CWF19L2: variants seen among roughly 807,000 people sequenced by gnomAD.
CWF19L2 encodes CWF19 like cell cycle control factor 2.
In CWF19L2, 98 loss-of-function variants were observed where a neutral mutation model predicts 111.7. The ratio of observed to expected loss-of-function variants is 0.88; its 90% CI spans 0.75 to 1.04. CWF19L2 has a LOEUF of 1.04. Ranked by LOEUF, CWF19L2 falls within the 50% of genes least tolerant of loss-of-function variation. CWF19L2 has a pLI of 0.00. For missense variants in CWF19L2, 1,101 were observed against 1,051.4 expected, an observed-to-expected ratio of 1.05 and a Z score of -0.65; for synonymous variants, 351 against 342.9, an observed-to-expected ratio of 1.02 and a Z score of -0.26.
chr11:107,362,728 C>A (rs1322774879), intron 12 of CWF19L2, among the ~76,000 whole-genome samples: 54 of 150,346 alleles, frequency 3.6e-4, no homozygotes, highest in Non-Finnish European at 2.4e-4. Flanking sequence ...GGGGAAAAAA[C>A]AGAACAGAAA....
intron 17 of CWF19L2, among the ~76,000 whole-genome samples, 172 bp downstream of exon 17, chr11:107,329,746 T>C (rs551616530): frequency 6.6e-6 from 1 of 152,324 alleles, no homozygotes; most frequent in South Asian, 2.1e-4. Flanking sequence ...CTCTGTTATA[T>C]ACATTCTGGG....
At chr11:107,334,445 T>C (rs929597881) in intron 16 of CWF19L2, among the ~76,000 whole-genome samples, 1 of 152,222 alleles carries the variant, frequency 6.6e-6, no homozygotes, top group Non-Finnish European at 1.5e-5. Flanking sequence ...AGGAACATAA[T>C]AGTGAACCTT....
intron 4 of CWF19L2, among the ~76,000 whole-genome samples, chr11:107,442,695 A>G (rs1297383753): frequency 1.5e-5 from 2 of 133,642 alleles, no homozygotes; most frequent in Admixed American, 1.6e-4. Context: ...AAAATGAATG[A>G]AAGAGAGAAA....
Position 107,418,273 on chromosome 11 carries a change from T to G in CWF19L2, c.1448A>C (p.Glu483Ala). The stretch of plus-strand genomic sequence containing the variant: ...ATCAACACTCAGGATGTGAATGGAC[T>G]CACGCTCTGGACTGCTATTGGAATA... ...KSTFAGSPER[E>A]SIHILSVDEK... Residue 483 changes from glutamate (E) to alanine (A), a missense_variant, in exon 9 of 18, where the codon GAG becomes GCG. Transcript: ENST00000282251. 6.2e-7 allele frequency: 1 copy of G among 1,611,516 alleles called. No homozygotes were observed.
intron 14 of CWF19L2, among the ~76,000 whole-genome samples, chr11:107,338,483 T>C (rs1354254139): frequency 6.6e-6 from 1 of 152,140 alleles, no homozygotes; most frequent in Non-Finnish European, 1.5e-5. Context: ...TGTGCCATGG[T>C]GGTTTGCTGC....
intron 7 of CWF19L2, among the ~76,000 whole-genome samples, chr11:107,429,866 G>T (rs536636): frequency 0.17 from 25,822 of 148,106 alleles, 2,414 homozygotes; most frequent in Middle Eastern, 0.27. Flanking sequence ...ATAAAAAATT[G>T]TGTGTCCCAA....
intron 12 of CWF19L2, among the ~76,000 whole-genome samples, chr11:107,372,991 G>T (rs7106896): frequency 0.58 from 34,903 of 60,518 alleles, 13,371 homozygotes; most frequent in African/African-American, 0.73. Context: ...TTCCCTTTCT[G>T]AGTCAAAGAA....
intron 15 of CWF19L2, among the ~76,000 whole-genome samples, chr11:107,336,163 G>C (rs1591148078): frequency 1.3e-5 from 2 of 152,134 alleles, no homozygotes; most frequent in Admixed American, 1.3e-4. Context: ...AGAAGTTGCA[G>C]TGAGCCAAGA....
At chr11:107,415,346 C>A (rs1591191587) in intron 10 of CWF19L2, among the ~76,000 whole-genome samples, 1 of 152,314 alleles carries the variant, frequency 6.6e-6, no homozygotes, top group South Asian at 2.1e-4. Context: ...AAGCCACCAA[C>A]CCACCTGTCA....
chr11:107,372,780 A>G (rs1457915838), intron 12 of CWF19L2, among the ~76,000 whole-genome samples: 1 of 132,780 alleles, frequency 7.5e-6, no homozygotes, highest in Admixed American at 7.3e-5. Flanking sequence ...CAAGATGGCC[A>G]AATAGGAACT....
At chr11:107,436,632 A>G (rs371703034) in intron 6 of CWF19L2, among the ~76,000 whole-genome samples, 73 of 152,354 alleles carry the variant, frequency 4.8e-4, no homozygotes, top group African/African-American at 1.7e-3. Context: ...ACATTCTAGC[A>G]GAAAAAGCCA....
chr11:107,441,711 G>C (rs997505179), intron 4 of CWF19L2, 89 bp from the exon 5 acceptor site: 131 of 1,311,292 alleles, frequency 1.0e-4, no homozygotes, highest in Non-Finnish European at 1.3e-4. Flanking sequence ...TTGGTAATAA[G>C]AGCAGGGACT....
In CWF19L2 at chr11:107,336,726, A is replaced by G. The variant is rs1859930831; in HGVS notation, c.2203-13T>C. The G allele has an allele frequency of 9.6e-6, 13 of 1,357,318 alleles. No individual in the cohort carries two copies. The East Asian group carries it at 3.0e-4, about 31-fold the overall frequency. The allele number at this position is 1,357,318 out of a possible 1,614,324, so 84.1% of individuals were successfully genotyped here. ...ATTTTCTGAACATCTAAAAAAAAAA[A>G]AGAACTAGGTAAAGAAAACACTTAA... On this transcript the variant is annotated splice_polypyrimidine_tract_variant and intron_variant, in intron 14 of 17. Transcript: ENST00000282251.
chr11:107,380,301 T>C (rs913532547), intron 12 of CWF19L2, among the ~76,000 whole-genome samples: 3 of 152,182 alleles, frequency 2.0e-5, no homozygotes, highest in Non-Finnish European at 4.4e-5. Context: ...TGTGAAACTA[T>C]CCTTCAAGCT....
At chr11:107,421,438 C>G (rs1489560151) in intron 8 of CWF19L2, among the ~76,000 whole-genome samples, 1 of 151,984 alleles carries the variant, frequency 6.6e-6, no homozygotes, top group Non-Finnish European at 1.5e-5. Context: ...ACAATAAATT[C>G]AGTGAAACCA....
chr11:107,384,458 C>T (rs1456805169), intron 12 of CWF19L2, among the ~76,000 whole-genome samples: 1 of 152,120 alleles, frequency 6.6e-6, no homozygotes, highest in Non-Finnish European at 1.5e-5. Context: ...CATCAAAAAG[C>T]AAATGTGTCA....
intron 14 of CWF19L2, among the ~76,000 whole-genome samples, chr11:107,343,567 A>G (rs1187230265): frequency 1.3e-5 from 2 of 151,638 alleles, no homozygotes; most frequent in Admixed American, 1.3e-4. Flanking sequence ...TAACTGATAT[A>G]CTGTTTATTG....
intron 7 of CWF19L2, among the ~76,000 whole-genome samples, chr11:107,430,233 G>A (rs929696263): frequency 1.3e-5 from 2 of 150,462 alleles, no homozygotes; most frequent in African/African-American, 4.9e-5. Flanking sequence ...ACCTTTACAA[G>A]GACTAGATCA....
At chr11:107,444,732 C>T (rs1385537148) in intron 3 of CWF19L2, among the ~76,000 whole-genome samples, 1 of 152,218 alleles carries the variant, frequency 6.6e-6, no homozygotes, top group Non-Finnish European at 1.5e-5. Flanking sequence ...AAATCTACTT[C>T]TCCTTGTATA....
Sources: allele counts gnomAD v4.1 joint callset (sites outside exome capture counted in the v4.1 genomes callset), GRCh38; gene constraint gnomAD v4.1.1; transcripts MANE v1.5; gene names NCBI Gene and HGNC (gene_info 2026-07-23, HGNC 2026-07-21).